CADPS: variants seen among roughly 807,000 people sequenced by gnomAD.
CADPS encodes calcium-dependent secretion activator 1.
A neutral mutation model predicts 167.3 loss-of-function variants in CADPS; 57 were observed. The ratio of observed to expected loss-of-function variants is 0.34; its 90% CI spans 0.28 to 0.42. CADPS has a LOEUF of 0.42. CADPS is among the 20% of genes least tolerant of loss of function. The probability of loss-of-function intolerance (pLI) is 1.00; values close to 1 mark genes in which losing one functional copy is unlikely to be tolerated. For missense variants in CADPS, 1,414 were observed against 1,738.1 expected (o/e 0.81, Z 3.32); for synonymous variants, 676 against 635.3 (o/e 1.06, Z -0.96).
chr3:62,864,982 T>C (rs1449560076), intron 1 of CADPS, among the ~76,000 whole-genome samples: 1 of 152,166 alleles, frequency 6.6e-6, no homozygotes, highest in Non-Finnish European at 1.5e-5. Context: ...TAGAAGTGGC[T>C]CAAACAACAT....
At chr3:62,479,570 G>C (rs1305325921) in intron 22 of CADPS, among the ~76,000 whole-genome samples, 3 of 152,252 alleles carry the variant, frequency 2.0e-5, no homozygotes, top group Non-Finnish European at 4.4e-5. Flanking sequence ...ACTGCAGGGC[G>C]GGGAGGGGGC....
At chr3:62,606,723 T>C (rs1010898661) in intron 6 of CADPS, among the ~76,000 whole-genome samples, 1 of 152,260 alleles carries the variant, frequency 6.6e-6, no homozygotes, top group African/African-American at 2.4e-5. Context: ...GCAAATGTGA[T>C]GCAAGCACAG....
chr3:62,790,846 C>T (rs1430016801), intron 1 of CADPS, among the ~76,000 whole-genome samples: 1 of 152,080 alleles, frequency 6.6e-6, no homozygotes, highest in African/African-American at 2.4e-5. Context: ...CAGAGAGTGT[C>T]TATTTGCAGA....
intron 11 of CADPS, among the ~76,000 whole-genome samples, chr3:62,541,344 C>T (rs1428913766): frequency 6.6e-6 from 1 of 152,106 alleles, no homozygotes; most frequent in Non-Finnish European, 1.5e-5. Flanking sequence ...GCAAACATTG[C>T]TACCTGTTTC....
chr3:62,741,083 T>G (rs2080133333), intron 3 of CADPS, among the ~76,000 whole-genome samples: 1 of 152,202 alleles, frequency 6.6e-6, no homozygotes, highest in African/African-American at 2.4e-5. Context: ...CACCCTATAC[T>G]TCATTATTCA....
chr3:62,513,757 G>A (rs762368754), intron 16 of CADPS: 3 of 1,203,660 alleles, frequency 2.5e-6, no homozygotes, highest in African/African-American at 3.0e-5. Context: ...AGGTAAAGAG[G>A]TTAAAGGTCA....
intron 13 of CADPS, among the ~76,000 whole-genome samples, chr3:62,518,736 G>A (rs1170520028): frequency 6.6e-6 from 1 of 152,072 alleles, no homozygotes; most frequent in Admixed American, 6.6e-5. Context: ...TATCTCTCTT[G>A]TAGGCACTTG....
rs1576575185 is a variant in CADPS at position 62,478,198 on chromosome 3, C to A, written c.3329+63G>T. Reference sequence around the variant, plus strand: ...GCCAATTGAAAGAGCAGCCATCTACCCTTCCCTGAGTCTGTGTATGGTGGG... The same window carrying A: ...GCCAATTGAAAGAGCAGCCATCTACACTTCCCTGAGTCTGTGTATGGTGGG... On this transcript the variant is annotated intron_variant, in intron 23 of 29. Coordinates refer to ENST00000383710, the MANE Select transcript of CADPS (RefSeq NM_003716.4). The surrounding 1 kb of genome is among the most constrained non-coding windows in gnomAD (Gnocchi z 5.7). The A allele has an allele frequency of 1.9e-6, 3 of 1,561,268 alleles. No individual in the cohort carries two copies. Among genetic ancestry groups the A allele is most frequent in the East Asian group, 2.2e-5 (1 of 44,498 alleles).
At chr3:62,448,271 A>G (rs561441320) in intron 26 of CADPS, among the ~76,000 whole-genome samples, 91 of 152,330 alleles carry the variant, frequency 6.0e-4, no homozygotes, top group Non-Finnish European at 1.1e-3. Flanking sequence ...AGCAGTTGGT[A>G]GGGGTTTTGT....
At chr3:62,743,288 CA>C (rs2080710644) in intron 3 of CADPS, among the ~76,000 whole-genome samples, 1 of 152,070 alleles carries the variant, frequency 6.6e-6, no homozygotes, top group Non-Finnish European at 1.5e-5. Context: ...TCAAATACGC[CA>C]GCTGCCTGCT....
At chr3:62,535,665 A>G (rs1191379132) in intron 12 of CADPS, among the ~76,000 whole-genome samples, 1 of 152,086 alleles carries the variant, frequency 6.6e-6, no homozygotes, top group Non-Finnish European at 1.5e-5. Flanking sequence ...ATTTACTTTT[A>G]AGAAATGAAA....
chr3:62,459,329 T>C (rs1280971641), intron 26 of CADPS, among the ~76,000 whole-genome samples: 1 of 152,186 alleles, frequency 6.6e-6, no homozygotes, highest in Non-Finnish European at 1.5e-5. Flanking sequence ...TCCAGCTGAA[T>C]TGATTTTGCT....
intron 3 of CADPS, among the ~76,000 whole-genome samples, chr3:62,668,646 T>G (rs573544804): frequency 6.6e-6 from 1 of 152,188 alleles, no homozygotes; most frequent in Non-Finnish European, 1.5e-5. Flanking sequence ...CACCATTAAT[T>G]TACAGGTACT....
intron 1 of CADPS, among the ~76,000 whole-genome samples, chr3:62,783,905 C>T (rs889385471): frequency 6.6e-5 from 10 of 152,156 alleles, no homozygotes; most frequent in Admixed American, 1.3e-4. Flanking sequence ...AATGCATACA[C>T]GTGTGAATGC....
chr3:62,642,372 T>C (rs1298003191), intron 6 of CADPS, among the ~76,000 whole-genome samples: 1 of 151,804 alleles, frequency 6.6e-6, no homozygotes, highest in African/African-American at 2.4e-5. Context: ...TGAAGTGGAG[T>C]TATTAGGACA....
intron 28 of CADPS, among the ~76,000 whole-genome samples, chr3:62,415,749 T>G (rs995642560): frequency 2.0e-5 from 3 of 152,288 alleles, no homozygotes; most frequent in African/African-American, 7.2e-5. Context: ...TGTGCAAGGG[T>G]TCCCCGCTGG....
intron 1 of CADPS, among the ~76,000 whole-genome samples, chr3:62,794,439 T>C (rs1055480770): frequency 1.3e-5 from 2 of 152,150 alleles, no homozygotes; most frequent in Non-Finnish European, 2.9e-5. Context: ...AGGATATAAA[T>C]ACACATATAT....
intron 1 of CADPS, among the ~76,000 whole-genome samples, chr3:62,802,619 G>A (rs2093839780): frequency 6.6e-6 from 1 of 152,278 alleles, no homozygotes; most frequent in South Asian, 2.1e-4. Context: ...GATGAAGGTG[G>A]TGGTTTCAAA....
At chr3:62,440,034 ATGT>A (rs2055982045) in intron 27 of CADPS, 1 of 152,138 alleles carries the variant, frequency 6.6e-6, no homozygotes, top group African/African-American at 2.4e-5. Flanking sequence ...CCAATAGCTG[ATGT>A]TGTATTATAC....
Sources: gnomAD v4.1 joint callset for allele counts (sites outside exome capture counted in the v4.1 genomes callset) on GRCh38, gnomAD v4.1.1 for gene constraint, Gnocchi (gnomAD v3.1) non-coding constraint, MANE v1.5 for transcripts, NCBI Gene and HGNC (gene_info 2026-07-23, HGNC 2026-07-21) for gene names.